BDP1: variants seen among roughly 807,000 people sequenced by gnomAD.
BDP1 encodes the protein transcription factor TFIIIB component B'' homolog.
BDP1 carries 169 observed loss-of-function variants against 266.6 expected under a neutral mutation model. That is an observed-to-expected ratio of 0.63 (90% confidence interval 0.56 to 0.72). The LOEUF (loss-of-function observed/expected upper bound fraction) is 0.72. Among genes scored for constraint, BDP1 ranks in the 30% least tolerant of loss-of-function variants. BDP1 has a pLI of 0.00. For synonymous variants in BDP1, 1,090 were observed against 1,022.4 expected, an observed-to-expected ratio of 1.07 and a Z score of -1.26; for missense variants, 3,015 against 3,053.8, an observed-to-expected ratio of 0.99 and a Z score of 0.30.
intron 35 of BDP1, among the ~76,000 whole-genome samples, chr5:71,555,474 CT>C (rs1191435061): frequency 7.2e-6 from 1 of 139,748 alleles, no homozygotes; most frequent in Non-Finnish European, 1.6e-5. Flanking sequence ...AGTTTCTCTC[CT>C]ATTGCCCAGG....
At chr5:71,541,803 C>A in intron 29 of BDP1, 121 bp downstream of exon 29, 2 of 649,478 alleles carry the variant, frequency 3.1e-6, no homozygotes, top group Non-Finnish European at 5.0e-6. Context: ...TAAAGATAGA[C>A]TGATTTTGAT....
At chr5:71,458,486 TGC>T in intron 1 of BDP1, 91 bp from the exon 2 acceptor site, 1 of 882,830 alleles carries the variant, frequency 1.1e-6, no homozygotes, top group Non-Finnish European at 1.7e-6. Flanking sequence ...ATTACGAGAT[TGC>T]AGTTTTGGAT....
In BDP1 at chr5:71,562,555, G is replaced by A. The variant is rs150169606; in HGVS notation, c.7743+35G>A. The A allele has an allele frequency of 6.4e-3, 10,209 of 1,592,264 alleles. 57 individuals carry two copies. Among genetic ancestry groups the A allele is most frequent in the Non-Finnish European group, 6.5e-3 (7,654 of 1,169,572 alleles). On this transcript the variant is annotated intron_variant, in intron 38 of 38. Transcript: ENST00000358731. ...AACTACTGTATTTTATAGTTTGTAT[G>A]AGATGGGTTGGATATGAGATTCAAC...
Position 71,455,895 on chromosome 5 carries a change from C to A in BDP1, c.18C>A (p.Arg6=). 1 of 1,596,944 alleles carries A rather than the reference C, an allele frequency of 6.3e-7. No individual in the cohort carries two copies. MFRRA[R]LSVKPNVRPG... ...CCTCCGCCATGTTCCGCAGGGCACG[C>A]CTTAGCGTGAAGCCGAATGTCAGGC... Residue 6 remains arginine (R), a synonymous_variant, in exon 1 of 39, where the codon CGC becomes CGA. Transcript: ENST00000358731.
chr5:71,476,323 T>G (rs754457748), intron 7 of BDP1: 1 of 152,510 alleles, frequency 6.6e-6, no homozygotes, highest in Non-Finnish European at 1.5e-5. Context: ...CAGCTGTTTA[T>G]TGGTTTATTA....
At chr5:71,554,497 A>T (rs953831196) in intron 35 of BDP1, among the ~76,000 whole-genome samples, 1 of 152,248 alleles carries the variant, frequency 6.6e-6, no homozygotes, top group African/African-American at 2.4e-5. Flanking sequence ...TAGACTAGGT[A>T]TAATGTGCCC....
chr5:71,554,350 A>G (rs906965960), intron 35 of BDP1, among the ~76,000 whole-genome samples: 8 of 152,132 alleles, frequency 5.3e-5, no homozygotes, highest in Non-Finnish European at 1.2e-4. Flanking sequence ...ACTCTTATAT[A>G]TGTCTGTGGT....
At chr5:71,567,851 TAAAG>T (rs1240240088), downstream of BDP1, 3 of 152,150 alleles carry the variant, frequency 2.0e-5, no homozygotes, top group Non-Finnish European at 2.9e-5. Context: ...GATGACTAAA[TAAAG>T]AATTGGCTGG....
At chr5:71,500,814 T>A (rs1023301020) in intron 13 of BDP1, among the ~76,000 whole-genome samples, 4 of 150,136 alleles carry the variant, frequency 2.7e-5, no homozygotes, top group Non-Finnish European at 5.9e-5. Flanking sequence ...AAAAAAAAAA[T>A]GTACATCAGG....
chr5:71,557,019 A>G (rs1743263660), intron 36 of BDP1, 94 bp downstream of exon 36: 2 of 610,146 alleles, frequency 3.3e-6, no homozygotes, highest in Admixed American at 3.6e-5. Context: ...GAAACTGAGT[A>G]TTCCTTTTCT....
rs376332460 is a variant in BDP1 at position 71,456,042 on chromosome 5, A to G, written c.165A>G (p.Thr55=). 1.4e-4 allele frequency: 221 copies of G among 1,613,314 alleles called. 1 individual carries two copies. The highest frequency in any genetic ancestry group is 1.6e-4 in the Middle Eastern group (1 of 6,082). Residue 55 remains threonine, a synonymous_variant, in exon 1 of 39, where the codon ACA becomes ACG. Coordinates refer to ENST00000358731, the MANE Select transcript of BDP1 (RefSeq NM_018429.3). ...SKPAEPTDVP[T]VDFGGAEPQE... is the part of the protein sequence containing the mutation. ...CCGCGGAGCCCACAGATGTGCCCAC[A>G]GTCGATTTCGGTGGAGCGGAGCCCC...
In BDP1 at chr5:71,480,333, A is replaced by G. The variant is rs368152737; in HGVS notation, c.1015-3509A>G. ...GTATTTTTAGTAGAGACAGGGTTTC[A>G]CCATGTTGGCCAGGATGGTCTCAAT... On this transcript the variant is annotated intron_variant, in intron 7 of 38. Coordinates refer to ENST00000358731, the MANE Select transcript of BDP1 (RefSeq NM_018429.3). Among the ~76,000 whole-genome samples the G allele has an allele frequency of 2.9e-3, 373 of 129,326 alleles. 3 individuals are homozygous for G. Among genetic ancestry groups the G allele is most frequent in the African/African-American group, 0.011 (356 of 33,822 alleles). 84.8% of individuals were successfully genotyped at this position (129,326 alleles called of 152,430 possible).
intron 37 of BDP1, among the ~76,000 whole-genome samples, chr5:71,561,097 G>A (rs1743616413): frequency 6.6e-6 from 1 of 151,688 alleles, no homozygotes; most frequent in Admixed American, 6.6e-5. Context: ...AGCCAGACCC[G>A]TCTCTGAAAA....
At chr5:71,534,704 C>T (rs568287575) in intron 26 of BDP1, among the ~76,000 whole-genome samples, 16 of 152,218 alleles carry the variant, frequency 1.1e-4, no homozygotes, top group African/African-American at 2.6e-4. Context: ...TGCAATGGCG[C>T]GATCTTGGCT....
intron 16 of BDP1, among the ~76,000 whole-genome samples, chr5:71,506,516 C>T (rs1356845524): frequency 1.3e-5 from 2 of 151,984 alleles, no homozygotes; most frequent in Non-Finnish European, 2.9e-5. Context: ...GTGACTCACA[C>T]CTATAATCCC....
At chr5:71,482,761 T>C (rs992049564) in intron 7 of BDP1, among the ~76,000 whole-genome samples, 1 of 152,210 alleles carries the variant, frequency 6.6e-6, no homozygotes, top group Non-Finnish European at 1.5e-5. Context: ...GGAGGTAACA[T>C]TTGTTAACTT....
At chr5:71,568,115 A>G (rs1227267575), downstream of BDP1, among the ~76,000 whole-genome samples, 2 of 152,156 alleles carry the variant, frequency 1.3e-5, no homozygotes, top group Non-Finnish European at 2.9e-5. Flanking sequence ...ACCACACTCC[A>G]GCCTGGATGA....
rs531926521 is a variant in BDP1, at chr5:71,562,659, G to A, written c.7743+139G>A. 8.7e-5 allele frequency: 128 copies of A among 1,468,062 alleles called. No homozygotes were observed. In the Middle Eastern group the frequency reaches 3.0e-3, roughly 34 times the overall value. The allele number at this position is 1,468,062 out of a possible 1,614,324, so 90.9% of individuals were successfully genotyped here. On this transcript the variant is annotated intron_variant, in intron 38 of 38. Coordinates refer to ENST00000358731, the MANE Select transcript of BDP1 (RefSeq NM_018429.3). Reference sequence around the variant, plus strand: ...AGCAACTCCCATCCTTCTCTCCATCGTGTTCCTCCATAATGGAAGAAGAAA... The same window carrying A: ...AGCAACTCCCATCCTTCTCTCCATCATGTTCCTCCATAATGGAAGAAGAAA...
At chr5:71,519,501 A>T (rs1322241422) in intron 22 of BDP1, among the ~76,000 whole-genome samples, 1 of 152,070 alleles carries the variant, frequency 6.6e-6, no homozygotes, top group Non-Finnish European at 1.5e-5. Flanking sequence ...CACCATTCTA[A>T]TCCCTACCTC....
Sources: allele counts gnomAD v4.1 joint callset (sites outside exome capture counted in the v4.1 genomes callset), GRCh38; gene constraint gnomAD v4.1.1; transcripts MANE v1.5; gene names NCBI Gene and HGNC (gene_info 2026-07-23, HGNC 2026-07-21).